FOXN3: variants seen among roughly 807,000 people sequenced by gnomAD.
FOXN3 encodes the protein forkhead box protein N3.
A neutral mutation model predicts 38.4 loss-of-function variants in FOXN3; 7 were observed. The observed-to-expected ratio is 0.18, with a 90% CI of 0.10 to 0.34. FOXN3 has a LOEUF of 0.34. Ranked by LOEUF, FOXN3 falls within the 10% of genes least tolerant of loss-of-function variation. The pLI, the probability that FOXN3 is intolerant of heterozygous loss-of-function variation, is 1.00. For missense variants in FOXN3, 456 were observed against 613.4 expected, an observed-to-expected ratio of 0.74 and a Z score of 2.71; for synonymous variants, 230 against 242.2, an observed-to-expected ratio of 0.95 and a Z score of 0.47.
intron 4 of FOXN3, among the ~76,000 whole-genome samples, chr14:89,235,737 G>A (rs1040486022): frequency 1.3e-5 from 2 of 152,218 alleles, no homozygotes; most frequent in African/African-American, 4.8e-5. Flanking sequence ...GATTTCATGT[G>A]AGAAGAACCT....
At chr14:89,607,066 CA>C (rs946415960) in intron 1 of FOXN3, among the ~76,000 whole-genome samples, 1 of 152,042 alleles carries the variant, frequency 6.6e-6, no homozygotes, top group African/African-American at 2.4e-5. Context: ...ACTAAATTGG[CA>C]AAAATGTTAA....
chr14:89,536,356 G>C (rs143113869), intron 1 of FOXN3, among the ~76,000 whole-genome samples: 2 of 152,338 alleles, frequency 1.3e-5, no homozygotes, highest in East Asian at 3.9e-4. Context: ...AAAGTGCTTA[G>C]AAAGTAGTGA....
chr14:89,521,042 G>A (rs564958376), intron 1 of FOXN3, among the ~76,000 whole-genome samples: 11 of 152,250 alleles, frequency 7.2e-5, no homozygotes, highest in African/African-American at 2.4e-4. Flanking sequence ...GGCTGGGCAC[G>A]GTGGCTCACA....
intron 1 of FOXN3, among the ~76,000 whole-genome samples, chr14:89,445,145 T>TAAA (rs766290295): frequency 6.9e-6 from 1 of 145,366 alleles, no homozygotes; most frequent in Non-Finnish European, 1.5e-5. Context: ...AAAAATAAAA[T>TAAA]AAAATAAAAA....
intron 1 of FOXN3, among the ~76,000 whole-genome samples, chr14:89,437,999 A>T (rs1892305487): frequency 6.6e-6 from 1 of 152,230 alleles, no homozygotes; most frequent in Non-Finnish European, 1.5e-5. Flanking sequence ...AAGTTGGTTG[A>T]TCAAAGTAGA....
intron 3 of FOXN3, among the ~76,000 whole-genome samples, chr14:89,334,385 G>A (rs1888374832): frequency 6.6e-6 from 1 of 152,084 alleles, no homozygotes; most frequent in African/African-American, 2.4e-5. Context: ...TGAGGCAGGT[G>A]GATCACCTGA....
In FOXN3 at chr14:89,376,256, T is replaced by C. The variant is rs113469023; in HGVS notation, c.544-25448A>G. ...ATGTTCAAAGGACAAAAGAAGCAGC[T>C]TAAAGGGCCTCAATGGCCAAATTTA... On this transcript the variant is annotated intron_variant, in intron 2 of 5. Coordinates refer to ENST00000557258, the MANE Select transcript of FOXN3 (RefSeq NM_005197.4). Among the ~76,000 whole-genome samples, 854 of 152,260 alleles carry C rather than the reference T, an allele frequency of 5.6e-3. 10 individuals carry two copies. The highest frequency in any genetic ancestry group is 0.02 in the African/African-American group (811 of 41,544).
At chr14:89,283,137 C>G (rs1272856120) in intron 3 of FOXN3, among the ~76,000 whole-genome samples, 1 of 150,524 alleles carries the variant, frequency 6.6e-6, no homozygotes, top group East Asian at 2.0e-4. Context: ...TTCAAGCTCC[C>G]TGGCCCATAT....
intron 4 of FOXN3, among the ~76,000 whole-genome samples, chr14:89,219,496 T>A (rs576721629): frequency 6.6e-6 from 1 of 152,342 alleles, no homozygotes; most frequent in Non-Finnish European, 1.5e-5. Flanking sequence ...TTCCCATGAA[T>A]GTCAGCCCCA....
At chr14:89,394,212 C>CTTTTTTTTTTTTTT (rs35674375) in intron 2 of FOXN3, among the ~76,000 whole-genome samples, 1 of 109,618 alleles carries the variant, frequency 9.1e-6, no homozygotes, top group Non-Finnish European at 1.8e-5. Context: ...GATCGACGTT[C>CTTTTTTTTTTTTTT]TTTTTTTTTT....
chr14:89,190,405 G>A, intron 4 of FOXN3: 2 of 1,613,764 alleles, frequency 1.2e-6, no homozygotes, highest in Non-Finnish European at 1.7e-6. Context: ...ATCTCAGGGG[G>A]AGTATTCAAA....
chr14:89,408,383 G>C (rs996068708), intron 2 of FOXN3, among the ~76,000 whole-genome samples: 2 of 151,392 alleles, frequency 1.3e-5, no homozygotes, highest in African/African-American at 4.9e-5. Context: ...TCAGCCTCCT[G>C]AGTAGCTGGG....
chr14:89,556,946 C>T (rs1424835632), intron 1 of FOXN3, among the ~76,000 whole-genome samples: 1 of 152,188 alleles, frequency 6.6e-6, no homozygotes, highest in Non-Finnish European at 1.5e-5. Context: ...AGGCAAAACA[C>T]AATCAGAGCC....
At chr14:89,566,031 T>C (rs1895341756) in intron 1 of FOXN3, among the ~76,000 whole-genome samples, 2 of 152,374 alleles carry the variant, frequency 1.3e-5, no homozygotes, top group East Asian at 3.9e-4. Flanking sequence ...GCTGTCCCTG[T>C]GACCCTCGCC....
At chr14:89,579,512 CT>C (rs1446086142) in intron 1 of FOXN3, among the ~76,000 whole-genome samples, 1 of 152,202 alleles carries the variant, frequency 6.6e-6, no homozygotes, top group Non-Finnish European at 1.5e-5. Context: ...ATAAAATCCT[CT>C]AGTAGTTTCC....
chr14:89,225,857 G>A (rs181962769), intron 4 of FOXN3, among the ~76,000 whole-genome samples: 4 of 152,218 alleles, frequency 2.6e-5, no homozygotes, highest in Admixed American at 2.6e-4. Flanking sequence ...CTCTGAAAGG[G>A]TTTATTTCAC....
At chr14:89,348,387 A>G (rs930054528) in intron 3 of FOXN3, among the ~76,000 whole-genome samples, 1 of 152,112 alleles carries the variant, frequency 6.6e-6, no homozygotes, top group Non-Finnish European at 1.5e-5. Flanking sequence ...AATTGAACCA[A>G]ATGCCACATC....
At chr14:89,397,354 T>C (rs1487926652) in intron 2 of FOXN3, among the ~76,000 whole-genome samples, 1 of 149,586 alleles carries the variant, frequency 6.7e-6, no homozygotes, top group East Asian at 2.0e-4. Context: ...ACCTAGGTGG[T>C]GAAATAATCT....
intron 2 of FOXN3, among the ~76,000 whole-genome samples, chr14:89,371,141 T>C (rs571750781): frequency 6.6e-6 from 1 of 152,224 alleles, no homozygotes; most frequent in African/African-American, 2.4e-5. Flanking sequence ...ATCTGAACAG[T>C]AGCACCCAAG....
Sources: allele counts gnomAD v4.1 joint callset (sites outside exome capture counted in the v4.1 genomes callset), GRCh38; gene constraint gnomAD v4.1.1; transcripts MANE v1.5; gene names NCBI Gene and HGNC (gene_info 2026-07-23, HGNC 2026-07-21).